Variants in TLN2 observed in about 807,000 individuals in gnomAD.
TLN2 encodes the protein talin 2, also known as talin-2.
TLN2 carries 118 observed loss-of-function variants against 294.7 expected under a neutral mutation model. The ratio of observed to expected loss-of-function variants is 0.40; its 90% CI spans 0.34 to 0.47. TLN2 has a LOEUF of 0.47. TLN2 is among the 20% of genes least tolerant of loss of function. The pLI is 0.84. For missense variants in TLN2, 3,083 were observed against 3,282.2 expected, an observed-to-expected ratio of 0.94 and a Z score of 1.48; for synonymous variants, 1,431 against 1,304.5, an observed-to-expected ratio of 1.10 and a Z score of -2.09.
At position 62,504,219 on chromosome 15, in the gene TLN2, C is replaced by T. The variant is rs2439710; in HGVS notation, c.-237-85468C>T. On this transcript the variant is annotated intron_variant, in intron 1 of 58. Coordinates refer to ENST00000636159, the MANE Select transcript of TLN2 (RefSeq NM_015059.3). The stretch of plus-strand genomic sequence containing the variant: ...GATACCGTTTTTATAGATTAGAAGA[C>T]AACATTGTTAAGATGTCATCTCACC... 3.3e-5 allele frequency among the ~76,000 whole-genome samples: 5 copies of T among 152,278 alleles called. No individual in the cohort carries two copies. The East Asian group carries it at 9.6e-4, about 29-fold the overall frequency.
intron 32 of TLN2, among the ~76,000 whole-genome samples, chr15:62,744,676 A>G (rs1030211488): frequency 1.3e-5 from 2 of 152,090 alleles, no homozygotes; most frequent in Admixed American, 6.5e-5. Flanking sequence ...CCTCCCGAGT[A>G]GCTGGGATTA....
Position 62,690,329 on chromosome 15 carries a change from A to T in TLN2, c.1114-2511A>T, listed in dbSNP as rs1379112431. ...GGCAGAGACGCTCTTCACCTCCCAG[A>T]CGGGGTCGCGGCCGGGCAGAGGCGC... is the stretch of plus-strand genomic sequence containing the variant. On this transcript the variant is annotated intron_variant, in intron 12 of 58. Transcript: ENST00000636159. 1.9e-5 allele frequency: 3 copies of T among 154,412 alleles called. No individual in the cohort carries two copies. The Admixed American group carries it at 2.0e-4, about 10-fold the overall frequency. The allele number at this position is 154,412 out of a possible 1,614,324, so 9.6% of individuals were successfully genotyped here.
In TLN2 at chr15:62,842,377, G is replaced by A. The variant is rs1208012511; in HGVS notation, c.*1767G>A. 6.6e-6 allele frequency: 1 copy of A among 152,212 alleles called. No homozygotes were observed. The highest frequency in any genetic ancestry group is 2.4e-5 in the African/African-American group (1 of 41,428). The allele number at this position is 152,212 out of a possible 1,614,324, so 9.4% of individuals were successfully genotyped here. A position where few individuals can be genotyped will look rare whatever the true frequency, so the allele number is the denominator to read the frequency against. ...CACACTCTTGGCTCGCCCTCTTTGA[G>A]TGGAGCTGATCCAACACCTCATGCC... On this transcript the variant is annotated 3_prime_UTR_variant, in exon 59 of 59. Transcript: ENST00000636159.
At chr15:62,649,000 A>G (rs2052264337) in intron 4 of TLN2, among the ~76,000 whole-genome samples, 1 of 151,966 alleles carries the variant, frequency 6.6e-6, no homozygotes, top group Non-Finnish European at 1.5e-5. Context: ...TGCACACGCC[A>G]CCACACCCGG....
intron 27 of TLN2, among the ~76,000 whole-genome samples, chr15:62,726,292 G>A (rs937744496): frequency 2.0e-5 from 3 of 152,126 alleles, no homozygotes; most frequent in African/African-American, 4.8e-5. Flanking sequence ...TATTTTTATT[G>A]GAAAGCATTG....
intron 3 of TLN2, among the ~76,000 whole-genome samples, chr15:62,636,861 G>C (rs953296018): frequency 2.0e-5 from 3 of 152,210 alleles, no homozygotes; most frequent in African/African-American, 7.2e-5. Context: ...AGAGTCACTT[G>C]AGAAGGAGCT....
chr15:62,813,567 T>TATGAGAAGCA (rs1443512197), intron 52 of TLN2, among the ~76,000 whole-genome samples: 2 of 152,074 alleles, frequency 1.3e-5, no homozygotes, highest in African/African-American at 4.8e-5. Context: ...AGCAACTAAG[T>TATGAGAAGCA]ATGAGAAGCA....
intron 1 of TLN2, among the ~76,000 whole-genome samples, chr15:62,410,470 G>A (rs2033705525): frequency 6.6e-6 from 1 of 152,144 alleles, no homozygotes; most frequent in African/African-American, 2.4e-5. Context: ...TTAAAAAAAA[G>A]GTATCAGAGG....
At chr15:62,622,319 T>C (rs1026869711) in intron 3 of TLN2, among the ~76,000 whole-genome samples, 2 of 152,192 alleles carry the variant, frequency 1.3e-5, no homozygotes, top group Admixed American at 6.5e-5. Flanking sequence ...TGTGTGTGTG[T>C]ATCTGTAAAA....
At chr15:62,780,771 CCCTAGAAGTGTCAGG>C in intron 43 of TLN2, among the ~76,000 whole-genome samples, 1 of 152,350 alleles carries the variant, frequency 6.6e-6, no homozygotes, top group African/African-American at 2.4e-5. Flanking sequence ...CTTTGCGCTT[CCCTAGAAGTGTCAGG>C]CTGGCTCCCG....
intron 1 of TLN2, among the ~76,000 whole-genome samples, chr15:62,435,635 G>A (rs775154421): frequency 6.6e-6 from 1 of 152,086 alleles, no homozygotes; most frequent in African/African-American, 2.4e-5. Context: ...TCTGCCTCCC[G>A]GGTTCGAGCA....
chr15:62,637,179 G>A (rs992460401), intron 3 of TLN2: 1 of 152,094 alleles, frequency 6.6e-6, no homozygotes, highest in East Asian at 1.9e-4. Flanking sequence ...TAGTTCACCT[G>A]GTCTTGACCT....
intron 3 of TLN2, among the ~76,000 whole-genome samples, chr15:62,635,539 A>G (rs938604324): frequency 2.0e-5 from 3 of 152,240 alleles, no homozygotes; most frequent in Admixed American, 6.5e-5. Flanking sequence ...ATATGCATAC[A>G]TATTGGAAGG....
intron 1 of TLN2, among the ~76,000 whole-genome samples, chr15:62,580,855 C>T (rs1312205774): frequency 6.6e-6 from 1 of 151,812 alleles, no homozygotes; most frequent in Non-Finnish European, 1.5e-5. Flanking sequence ...CGCCCCGCCC[C>T]CTGACCCCTG....
intron 52 of TLN2, among the ~76,000 whole-genome samples, chr15:62,813,984 T>C (rs1271310569): frequency 2.0e-5 from 3 of 152,180 alleles, no homozygotes; most frequent in Non-Finnish European, 4.4e-5. Flanking sequence ...CTAGCTAATT[T>C]TGTCTTTTTT....
chr15:62,811,649 T>C (rs1263174282), intron 52 of TLN2, among the ~76,000 whole-genome samples: 1 of 152,198 alleles, frequency 6.6e-6, no homozygotes, highest in Non-Finnish European at 1.5e-5. Context: ...AAACAGGCAG[T>C]TTATTAAGGA....
At chr15:62,775,452 C>T (rs1179151778) in intron 42 of TLN2, among the ~76,000 whole-genome samples, 2 of 152,192 alleles carry the variant, frequency 1.3e-5, no homozygotes, top group Non-Finnish European at 2.9e-5. Context: ...TACCACTTTA[C>T]TTCACTCATC....
intron 1 of TLN2, among the ~76,000 whole-genome samples, chr15:62,573,947 C>G (rs754690496): frequency 2.1e-4 from 32 of 152,092 alleles, no homozygotes; most frequent in Non-Finnish European, 3.8e-4. Context: ...CCGCCTGACT[C>G]CCTGCACATG....
At chr15:62,607,703 G>A (rs2047568498) in intron 2 of TLN2, among the ~76,000 whole-genome samples, 1 of 152,158 alleles carries the variant, frequency 6.6e-6, no homozygotes, top group Non-Finnish European at 1.5e-5. Context: ...ACCCCTGTGT[G>A]GAAAAGGCCC....
Sources: gnomAD v4.1 joint callset for allele counts (sites outside exome capture counted in the v4.1 genomes callset) on GRCh38, gnomAD v4.1.1 for gene constraint, MANE v1.5 for transcripts, NCBI Gene and HGNC (gene_info 2026-07-23, HGNC 2026-07-21) for gene names.